The following TBC1D1 variants were observed in gnomAD, a reference collection of about 807,000 sequenced individuals.
TBC1D1 encodes TBC1 domain family member 1, also known as TBC1 (tre-2/USP6, BUB2, cdc16) domain family, member 1.
A neutral mutation model predicts 125.6 loss-of-function variants in TBC1D1; 89 were observed. The observed-to-expected ratio is 0.71, with a 90% CI of 0.60 to 0.85. The LOEUF (loss-of-function observed/expected upper bound fraction) is 0.85, where lower values mean the gene tolerates loss of function less well. Among genes scored for constraint, TBC1D1 ranks in the 40% least tolerant of loss-of-function variants. The pLI, the probability that TBC1D1 is intolerant of heterozygous loss-of-function variation, is 0.00. For synonymous variants in TBC1D1, 565 were observed against 564.1 expected, an observed-to-expected ratio of 1.00 and a Z score of -0.02; for missense variants, 1,377 against 1,469.2, an observed-to-expected ratio of 0.94 and a Z score of 1.03.
intron 16 of TBC1D1, 142 bp downstream of exon 18, chr4:38,116,096 C>A: frequency 1.1e-6 from 1 of 874,540 alleles, no homozygotes; most frequent in Non-Finnish European, 1.7e-6. Flanking sequence ...CTGTGCTAGG[C>A]ATTATTCCAA....
At chr4:37,961,181 T>C in intron 2 of TBC1D1, 1 of 935,454 alleles carries the variant, frequency 1.1e-6, no homozygotes, top group Non-Finnish European at 1.6e-6. Flanking sequence ...CTTGTTTCTA[T>C]ATTTCTTCCA....
In TBC1D1 at chr4:38,014,826, C is replaced by G. The variant is rs576760743; in HGVS notation, c.735C>G (p.Ala245=). ...CCCAGCCCGGCCTGCGCTCGCTGGC[C>G]TTTAGGAAGGAGCTGCAGGATGGGG... is the stretch of plus-strand genomic sequence containing the variant. Residue 245 remains alanine, a synonymous_variant, in exon 3 of 20, where the codon GCC becomes GCG. Transcript: ENST00000261439. This position sits in a 1 kb window ranked among gnomAD's most constrained non-coding sequence, Gnocchi z 5.1. The G allele has an allele frequency of 3.1e-6, 5 of 1,611,774 alleles. No individual in the cohort carries two copies. The highest frequency in any genetic ancestry group is 2.2e-5 in the East Asian group (1 of 44,784).
At chr4:38,053,779 T>G (rs2152485907) in intron 11 of TBC1D1, among the ~76,000 whole-genome samples, 1 of 152,374 alleles carries the variant, frequency 6.6e-6, no homozygotes, top group South Asian at 2.1e-4. Context: ...TTTTCATTTT[T>G]TGTGGGAATC....
intron 1 of TBC1D1, among the ~76,000 whole-genome samples, chr4:37,894,234 G>T (rs1160578393): frequency 6.6e-6 from 1 of 152,046 alleles, no homozygotes; most frequent in Non-Finnish European, 1.5e-5. Context: ...TGATCCACCC[G>T]CCTTGGCCTC....
chr4:38,054,035 T>C (rs1012662391), intron 11 of TBC1D1, among the ~76,000 whole-genome samples, 164 bp from the exon 14 acceptor site: 11 of 152,256 alleles, frequency 7.2e-5, no homozygotes, highest in Admixed American at 5.2e-4. Flanking sequence ...AGCAGTTCTT[T>C]AGGAATGATG....
chr4:37,955,848 T>C (rs1464265661), intron 2 of TBC1D1, among the ~76,000 whole-genome samples: 1 of 152,050 alleles, frequency 6.6e-6, no homozygotes, highest in African/African-American at 2.4e-5. Context: ...ATAATACATA[T>C]TGTCAGGGCT....
At chr4:37,912,133 C>T (rs190743448) in intron 2 of TBC1D1, among the ~76,000 whole-genome samples, 2 of 152,360 alleles carry the variant, frequency 1.3e-5, no homozygotes, top group African/African-American at 4.8e-5. Flanking sequence ...ATGCTCCCCT[C>T]TCTGTTTCAG....
At chr4:38,018,936 C>A (rs35080855) in intron 4 of TBC1D1, among the ~76,000 whole-genome samples, 39,173 of 151,094 alleles carry the variant, frequency 0.26, 5,870 homozygotes, top group African/African-American at 0.42. Context: ...TTTATTAGAT[C>A]TATTTCTACT....
At chr4:37,976,828 T>G (rs531323057) in intron 2 of TBC1D1, among the ~76,000 whole-genome samples, 26 of 152,354 alleles carry the variant, frequency 1.7e-4, no homozygotes, top group African/African-American at 6.3e-4. Context: ...TAAATGGTTC[T>G]TTTTCCTCTG....
intron 1 of TBC1D1, among the ~76,000 whole-genome samples, chr4:37,899,070 A>G (rs905788217): frequency 3.9e-5 from 6 of 152,128 alleles, no homozygotes; most frequent in Admixed American, 3.3e-4. Flanking sequence ...GATATGATAA[A>G]TTTTGTGTTG....
At chr4:37,978,043 G>A (rs139773734) in intron 2 of TBC1D1, among the ~76,000 whole-genome samples, 278 of 152,342 alleles carry the variant, frequency 1.8e-3, no homozygotes, top group African/African-American at 6.2e-3. Flanking sequence ...GTTTCAAAGG[G>A]CATGTTCTGA....
chr4:37,964,920 G>A (rs1189537434), intron 2 of TBC1D1, among the ~76,000 whole-genome samples: 7 of 152,234 alleles, frequency 4.6e-5, no homozygotes, highest in Non-Finnish European at 7.3e-5. Context: ...GCCAGAGCAT[G>A]GTGTCTGTCT....
At chr4:38,018,670 A>T (rs1404149375) in intron 4 of TBC1D1, among the ~76,000 whole-genome samples, 1 of 152,164 alleles carries the variant, frequency 6.6e-6, no homozygotes, top group Non-Finnish European at 1.5e-5. Flanking sequence ...GACAAAATAG[A>T]TCTACTTTTA....
chr4:38,087,465 G>A (rs1464761881), intron 12 of TBC1D1, among the ~76,000 whole-genome samples: 2 of 152,214 alleles, frequency 1.3e-5, no homozygotes, highest in African/African-American at 4.8e-5. Context: ...CTGGGAAGAG[G>A]AAGGCTGTGG....
intron 2 of TBC1D1, among the ~76,000 whole-genome samples, chr4:37,914,897 C>G (rs1719383373): frequency 6.6e-6 from 1 of 152,268 alleles, no homozygotes; most frequent in Non-Finnish European, 1.5e-5. Flanking sequence ...TGGCCACCCA[C>G]TCAAAAGTAG....
At chr4:38,023,243 C>CAAA (rs71658750) in intron 6 of TBC1D1, among the ~76,000 whole-genome samples, 2,010 of 76,478 alleles carry the variant, frequency 0.026, 50 homozygotes, top group African/African-American at 0.076. Context: ...CGAGATGTCT[C>CAAA]AAAAAAAAAA....
Position 37,977,382 on chromosome 4 carries a change from G to T in TBC1D1, c.418-37127G>T. The T allele has an allele frequency of 4.6e-6, 2 of 432,426 alleles. No individual in the cohort carries two copies. The highest frequency in any genetic ancestry group is 6.1e-6 in the Non-Finnish European group (2 of 325,856). 26.8% of individuals were successfully genotyped at this position (432,426 alleles called of 1,614,324 possible). The stretch of plus-strand genomic sequence containing the variant: ...CGCCGCCGCCGCCGCCGCCGCCGGG[G>T]AGAGCGATGCCCCGGCCCCGCCGCT... On this transcript the variant is annotated intron_variant, in intron 2 of 19. Transcript: ENST00000261439. This position sits in a 1 kb window ranked among gnomAD's most constrained non-coding sequence, Gnocchi z 4.3.
In TBC1D1 at chr4:37,921,703, G is replaced by A. The variant is rs369816566; in HGVS notation, c.417+19191G>A. Reference sequence around the variant, plus strand: ...TGAGATTACAGGCGTGAGCCACTGCGTCCAGCCCATATATATAATTTTGAT... The same window carrying A: ...TGAGATTACAGGCGTGAGCCACTGCATCCAGCCCATATATATAATTTTGAT... On this transcript the variant is annotated intron_variant, in intron 2 of 19. Coordinates refer to ENST00000261439, the MANE Select transcript of TBC1D1 (RefSeq NM_015173.4). Among the ~76,000 whole-genome samples the A allele has an allele frequency of 3.3e-5, 5 of 151,872 alleles. No homozygotes were observed. The East Asian group carries it at 5.8e-4, about 18-fold the overall frequency.
intron 2 of TBC1D1, among the ~76,000 whole-genome samples, chr4:37,990,540 G>C (rs549223575): frequency 1.1e-4 from 16 of 152,304 alleles, no homozygotes; most frequent in African/African-American, 3.8e-4. Context: ...TGTATAATAA[G>C]CATGAAATAT....
Sources: gnomAD v4.1 joint callset for allele counts (sites outside exome capture counted in the v4.1 genomes callset) on GRCh38, gnomAD v4.1.1 for gene constraint, Gnocchi (gnomAD v3.1) non-coding constraint, MANE v1.5 for transcripts, NCBI Gene and HGNC (gene_info 2026-07-23, HGNC 2026-07-21) for gene names.